The following SLCO1B3 variants were observed in gnomAD, a reference collection of about 807,000 sequenced individuals.
SLCO1B3 encodes liver-specific organic anion transporter 2.
SLCO1B3 carries 72 observed loss-of-function variants against 71.8 expected under a neutral mutation model. That is an observed-to-expected ratio of 1.00 (90% CI 0.83 to 1.22). The LOEUF is 1.22. SLCO1B3 is among the 50% of genes most tolerant of loss of function. SLCO1B3 has a pLI of 0.00. For synonymous variants in SLCO1B3, 298 were observed against 278.4 expected (o/e 1.07, Z -0.70); for missense variants, 911 against 819.7 (o/e 1.11, Z -1.36).
At chr12:20,838,027 A>T (rs1468454300) in intron 3 of SLCO1B3, among the ~76,000 whole-genome samples, 3 of 151,838 alleles carry the variant, frequency 2.0e-5, no homozygotes, top group African/African-American at 7.3e-5. Context: ...CATATATGTT[A>T]AGGAGTATTA....
At chr12:20,861,260 T>C (rs1865260375) in intron 6 of SLCO1B3, 122 bp downstream of exon 6, 1 of 852,030 alleles carries the variant, frequency 1.2e-6, no homozygotes, top group Non-Finnish European at 1.7e-6. Flanking sequence ...ATTTATCCCT[T>C]ACATACAGAC....
rs749907490 is a variant in SLCO1B3 at position 20,855,103 on chromosome 12, C to G, written c.160C>G (p.Gln54Glu). 6 of 1,611,644 alleles carry G rather than the reference C, an allele frequency of 3.7e-6. No homozygotes were observed. The East Asian group carries it at 1.1e-4, about 30-fold the overall frequency. ...GGIIMKISIT[Q>E]IERRFDISSS... ...AATCATTATGAAAATTTCCATCACT[C>G]AAATAGAAAGGAGATTTGACATATC... The change falls in exon 4 of 16, where the codon CAA becomes GAA. Residue 54 changes from glutamine (Q) to glutamate (E), a missense_variant. By Grantham distance (29) the Gln-to-Glu change is conservative. Coordinates refer to ENST00000381545, the MANE Select transcript of SLCO1B3 (RefSeq NM_019844.4).
Position 20,901,341 on chromosome 12 carries a change from A to G in SLCO1B3, c.1748-9A>G. 10 of 1,459,096 alleles carry G rather than the reference A, an allele frequency of 6.9e-6. No homozygotes were observed. The highest frequency in any genetic ancestry group is 9.4e-6 in the Non-Finnish European group (10 of 1,059,730). The allele number at this position is 1,459,096 out of a possible 1,614,324, so 90.4% of individuals were successfully genotyped here. A position where few individuals can be genotyped will look rare whatever the true frequency, so the allele number is the denominator to read the frequency against. On this transcript the variant is annotated splice_polypyrimidine_tract_variant and intron_variant, in intron 14 of 15. Transcript: ENST00000381545. ...ACTTGGATTGATATCTTTTTATCTC[A>G]TGTTGCAGGAGGAATTCTAGCTCCA...
chr12:20,843,979 T>C (rs992542773), intron 3 of SLCO1B3, among the ~76,000 whole-genome samples: 1 of 152,230 alleles, frequency 6.6e-6, no homozygotes, highest in Non-Finnish European at 1.5e-5. Context: ...TTTCACATTT[T>C]TGTTGAATAT....
rs900123824 is a variant in SLCO1B3, at chr12:20,909,453, G to A, written c.1866-6551G>A. Among the ~76,000 whole-genome samples, 3 of 151,644 alleles carry A rather than the reference G, an allele frequency of 2.0e-5. No individual in the cohort carries two copies. The South Asian group carries it at 6.2e-4, about 32-fold the overall frequency. On this transcript the variant is annotated intron_variant, in intron 15 of 15. Transcript: ENST00000381545. ...CTCCCAAAGTGCTGGGATTACAGGT[G>A]TGAGCCACCACACCCGGTCATGAAG...
At chr12:20,862,166 T>C (rs538868796) in intron 6 of SLCO1B3, among the ~76,000 whole-genome samples, 1 of 152,276 alleles carries the variant, frequency 6.6e-6, no homozygotes, top group South Asian at 2.1e-4. Context: ...TTTTGTGCAC[T>C]AAAAATGCAG....
intron 14 of SLCO1B3, among the ~76,000 whole-genome samples, chr12:20,900,854 T>C (rs563423021): frequency 1.3e-5 from 2 of 152,324 alleles, no homozygotes; most frequent in African/African-American, 4.8e-5. Flanking sequence ...GGAATCCTGG[T>C]GTAAGCATTT....
At chr12:20,882,324 A>G (rs1327458709) in intron 12 of SLCO1B3, among the ~76,000 whole-genome samples, 1 of 152,224 alleles carries the variant, frequency 6.6e-6, no homozygotes, top group African/African-American at 2.4e-5. Context: ...GCTCCATAAA[A>G]GATTCCTCCA....
At chr12:20,869,673 G>C (rs1026943259) in intron 8 of SLCO1B3, among the ~76,000 whole-genome samples, 2 of 152,050 alleles carry the variant, frequency 1.3e-5, no homozygotes, top group African/African-American at 4.8e-5. Flanking sequence ...TGTCCTTTCT[G>C]TTTAAGGGTG....
intron 8 of SLCO1B3, 74 bp downstream of exon 8, chr12:20,862,928 T>C (rs986417432): frequency 1.3e-6 from 1 of 759,142 alleles, no homozygotes; most frequent in Non-Finnish European, 2.2e-6. Flanking sequence ...AAGAATTAAA[T>C]TCAGTCTTTC....
rs1865737911 is a variant in SLCO1B3, at chr12:20,883,611, GATCCTGTAAA to G, written c.1682+11_1682+20del. 1 of 1,561,518 alleles carries G rather than the reference GATCCTGTAAA, an allele frequency of 6.4e-7. No homozygotes were observed. Among genetic ancestry groups the G allele is most frequent in the Admixed American group, 1.9e-5 (1 of 51,364 alleles). The stretch of plus-strand genomic sequence containing the variant: ...ATCTTGTTGACTGTGAAGTAAGTAT[GATCCTGTAAA>G]ACATTGTCATGTATATTAGACTAAA... On this transcript the variant is annotated intron_variant, in intron 13 of 15. Transcript: ENST00000381545.
At chr12:20,888,581 G>C (rs1312006929) in intron 13 of SLCO1B3, among the ~76,000 whole-genome samples, 1 of 151,880 alleles carries the variant, frequency 6.6e-6, no homozygotes, top group Non-Finnish European at 1.5e-5. Context: ...AGTCTAAGAG[G>C]CTTTCAGAGG....
rs146075261 is a variant in SLCO1B3, at chr12:20,865,127, A to C, written c.727+2273A>C. Among the ~76,000 whole-genome samples the C allele has an allele frequency of 2.4e-3, 359 of 152,262 alleles. 2 individuals carry two copies. Among genetic ancestry groups the C allele is most frequent in the African/African-American group, 7.6e-3 (314 of 41,560 alleles). ...CTAGCAGGACATATCTAGCTTGGTT[A>C]TGACCTTTAGTTCCTATATATAGAC... is the stretch of plus-strand genomic sequence containing the variant. On this transcript the variant is annotated intron_variant, in intron 8 of 15. Transcript: ENST00000381545.
rs950495746 is a variant in SLCO1B3, at chr12:20,907,908, A to G, written c.1865+6441A>G. ...AATATTTATTTTAATTGAAATCATAATTCATTTTAAGGACAACTGGCAAGA... is the reference window on the plus strand; with the variant it reads ...AATATTTATTTTAATTGAAATCATAGTTCATTTTAAGGACAACTGGCAAGA... On this transcript the variant is annotated intron_variant, in intron 15 of 15. Coordinates refer to ENST00000381545, the MANE Select transcript of SLCO1B3 (RefSeq NM_019844.4). Among the ~76,000 whole-genome samples the G allele has an allele frequency of 7.2e-5, 11 of 152,286 alleles. No individual in the cohort carries two copies. The East Asian group carries it at 1.7e-3, about 24-fold the overall frequency.
chr12:20,896,092 C>A (rs1866001065), intron 13 of SLCO1B3, among the ~76,000 whole-genome samples: 1 of 152,182 alleles, frequency 6.6e-6, no homozygotes, highest in African/African-American at 2.4e-5. Flanking sequence ...GGACCCTGGG[C>A]CTGGCTCAGG....
intron 3 of SLCO1B3, among the ~76,000 whole-genome samples, chr12:20,816,443 G>T (rs975725490): frequency 6.6e-6 from 1 of 152,032 alleles, no homozygotes; most frequent in Non-Finnish European, 1.5e-5. Context: ...ACAAATAACT[G>T]AGAACATGCA....
chr12:20,819,465 G>T (rs1864251966), intron 3 of SLCO1B3, among the ~76,000 whole-genome samples: 1 of 152,084 alleles, frequency 6.6e-6, no homozygotes, highest in Non-Finnish European at 1.5e-5. Flanking sequence ...TTGGATGACT[G>T]GTGCAAAAGA....
chr12:20,832,451 C>A (rs1162215630), intron 3 of SLCO1B3, among the ~76,000 whole-genome samples: 1 of 151,826 alleles, frequency 6.6e-6, no homozygotes, highest in Admixed American at 6.6e-5. Flanking sequence ...TTACCTGTAC[C>A]CCTATATTGT....
chr12:20,885,061 T>C (rs991646986), intron 13 of SLCO1B3, among the ~76,000 whole-genome samples: 3 of 152,130 alleles, frequency 2.0e-5, no homozygotes, highest in Non-Finnish European at 2.9e-5. Context: ...TGAAACCTTT[T>C]CATGAGAAAA....
Sources: allele counts gnomAD v4.1 joint callset (sites outside exome capture counted in the v4.1 genomes callset), GRCh38; gene constraint gnomAD v4.1.1; transcripts MANE v1.5; gene names NCBI Gene and HGNC (gene_info 2026-07-23, HGNC 2026-07-21).